The following IRAK2 variants were observed in gnomAD, a reference collection of about 807,000 sequenced individuals.
IRAK2 encodes interleukin 1 receptor associated kinase 2.
IRAK2 carries 57 observed loss-of-function variants against 72.0 expected under a neutral mutation model. That is an observed-to-expected ratio of 0.79 (90% confidence interval 0.64 to 0.99). The LOEUF (loss-of-function observed/expected upper bound fraction) is 0.99. Ranked by LOEUF, IRAK2 falls within the 50% of genes least tolerant of loss-of-function variation. The pLI, the probability that IRAK2 is intolerant of heterozygous loss-of-function variation, is 0.00. For missense variants in IRAK2, 790 were observed against 794.4 expected, an observed-to-expected ratio of 0.99 and a Z score of 0.07; for synonymous variants, 293 against 312.7, an observed-to-expected ratio of 0.94 and a Z score of 0.67.
At chr3:10,211,064 T>C (rs564189014) in intron 4 of IRAK2, among the ~76,000 whole-genome samples, 1 of 152,128 alleles carries the variant, frequency 6.6e-6, no homozygotes, top group African/African-American at 2.4e-5. Flanking sequence ...GGTTTCGCCA[T>C]GTTGGCCAGG....
chr3:10,207,354 G>T (rs1296920795), intron 3 of IRAK2, among the ~76,000 whole-genome samples: 2 of 152,116 alleles, frequency 1.3e-5, no homozygotes, highest in African/African-American at 4.8e-5. Context: ...CAGTAATCTT[G>T]GGGTCAAGTC....
intron 2 of IRAK2, among the ~76,000 whole-genome samples, chr3:10,195,587 A>G (rs1163315112): frequency 6.6e-6 from 1 of 151,800 alleles, no homozygotes; most frequent in Admixed American, 6.6e-5. Flanking sequence ...AAGTTAAGTA[A>G]GGCTGTAAGT....
intron 7 of IRAK2, among the ~76,000 whole-genome samples, chr3:10,218,142 G>GCCTCATCACCCA (rs774559913): frequency 1.1e-4 from 16 of 152,314 alleles, no homozygotes; most frequent in Admixed American, 3.9e-4. Flanking sequence ...TAGGTGATGA[G>GCCTCATCACCCA]GCTGGGCACA....
In IRAK2 at chr3:10,216,931, C is replaced by T. The variant is rs11465902; in HGVS notation, c.789-3C>T. The T allele has an allele frequency of 1.9e-3, 3,139 of 1,612,302 alleles. 52 individuals are homozygous for T. In the African/African-American group the frequency reaches 0.037, roughly 19 times the overall value. On this transcript the variant is annotated splice_region_variant and splice_polypyrimidine_tract_variant and intron_variant, in intron 6 of 12. Coordinates refer to ENST00000256458, the MANE Select transcript of IRAK2 (RefSeq NM_001570.4). ...TCACACCTGCACTGACGCCCGATTCCAGATGCTGCCACCCCAATGTCTTAC... is the reference window on the plus strand; with the variant it reads ...TCACACCTGCACTGACGCCCGATTCTAGATGCTGCCACCCCAATGTCTTAC...
chr3:10,198,519 C>T (rs1188743978), intron 2 of IRAK2, among the ~76,000 whole-genome samples: 1 of 152,208 alleles, frequency 6.6e-6, no homozygotes, highest in Non-Finnish European at 1.5e-5. Flanking sequence ...CTGTTGTTGG[C>T]TGTTTTACTT....
At chr3:10,171,182 G>A (rs553552582) in intron 1 of IRAK2, among the ~76,000 whole-genome samples, 1 of 152,346 alleles carries the variant, frequency 6.6e-6, no homozygotes, top group East Asian at 1.9e-4. Flanking sequence ...CCCCAGGTGT[G>A]TGCAGAGGGG....
In IRAK2 at chr3:10,220,441, A is replaced by C. The variant is rs189256346; in HGVS notation, c.1013+652A>C. Among the ~76,000 whole-genome samples the C allele has an allele frequency of 1.7e-3, 252 of 151,158 alleles. 5 individuals are homozygous for C. The South Asian group carries it at 0.042, about 25-fold the overall frequency. On this transcript the variant is annotated intron_variant, in intron 8 of 12. Transcript: ENST00000256458. ...AGTCCTTTCCTCTTTTCTCTCCCCC[A>C]ATTTTTTTTTTGTTTTTTGAGACGG...
intron 2 of IRAK2, among the ~76,000 whole-genome samples, chr3:10,180,378 C>G (rs1696942142): frequency 3.3e-5 from 5 of 152,170 alleles, no homozygotes; most frequent in Admixed American, 2.6e-4. Flanking sequence ...CATAGGAAAA[C>G]TAGTACAGAA....
intron 7 of IRAK2, among the ~76,000 whole-genome samples, chr3:10,218,443 A>AAC (rs1553625468): frequency 0.28 from 35,994 of 128,752 alleles, 5,716 homozygotes; most frequent in Non-Finnish European, 0.34. Context: ...AAAAAAAAAA[A>AAC]AACCAAAACG....
chr3:10,223,424 C>G (rs1277426367), intron 9 of IRAK2, among the ~76,000 whole-genome samples: 6 of 152,190 alleles, frequency 3.9e-5, no homozygotes, highest in Admixed American at 3.9e-4. Context: ...AGTCCCTCCC[C>G]TCAGGAGCTC....
intron 2 of IRAK2, among the ~76,000 whole-genome samples, chr3:10,191,442 T>G (rs867249766): frequency 1.3e-5 from 2 of 152,232 alleles, no homozygotes; most frequent in African/African-American, 4.8e-5. Context: ...TACAGTAAGG[T>G]TCTGCCTAAC....
intron 1 of IRAK2, among the ~76,000 whole-genome samples, chr3:10,175,906 A>AG (rs1696866373): frequency 6.6e-6 from 1 of 150,656 alleles, no homozygotes; most frequent in African/African-American, 2.4e-5. Context: ...AAAAAAAAAA[A>AG]AAAAAAAGAA....
At chr3:10,221,941 T>TACCAA (rs2125159790) in intron 8 of IRAK2, among the ~76,000 whole-genome samples, 1 of 151,960 alleles carries the variant, frequency 6.6e-6, no homozygotes, top group Admixed American at 6.6e-5. Flanking sequence ...TGAGACAGTG[T>TACCAA]ACCACTCTGT....
At chr3:10,167,247 T>C in intron 1 of IRAK2, among the ~76,000 whole-genome samples, 1 of 152,144 alleles carries the variant, frequency 6.6e-6, no homozygotes. Flanking sequence ...AAGAAGAAAC[T>C]CTGTACCCGT....
intron 9 of IRAK2, among the ~76,000 whole-genome samples, chr3:10,225,965 C>G (rs1179382363): frequency 6.6e-6 from 1 of 152,130 alleles, no homozygotes; most frequent in African/African-American, 2.4e-5. Flanking sequence ...TCCCAAAGTG[C>G]TGGGATTACA....
At chr3:10,242,000 G>T in intron 12 of IRAK2, 116 bp from the exon 13 acceptor site, 37 of 426,060 alleles carry the variant, frequency 8.7e-5, no homozygotes, top group East Asian at 2.0e-4. Flanking sequence ...AAAAAAAAAA[G>T]AAATGCTCAT....
chr3:10,176,463 G>A (rs1425063026), intron 1 of IRAK2, among the ~76,000 whole-genome samples: 1 of 145,414 alleles, frequency 6.9e-6, no homozygotes, highest in Non-Finnish European at 1.5e-5. Context: ...ACCATGCCTG[G>A]CTACTTTGTT....
intron 2 of IRAK2, among the ~76,000 whole-genome samples, chr3:10,199,233 T>C (rs1440539029): frequency 6.6e-6 from 1 of 152,100 alleles, no homozygotes; most frequent in Non-Finnish European, 1.5e-5. Context: ...AGAAGCTGGC[T>C]GGAAGCTGAG....
At chr3:10,225,083 G>A (rs1242181441) in intron 9 of IRAK2, among the ~76,000 whole-genome samples, 2 of 152,076 alleles carry the variant, frequency 1.3e-5, no homozygotes, top group African/African-American at 4.8e-5. Context: ...ACTTGCAGCA[G>A]TGATGCCCTC....
Sources: gnomAD v4.1 joint callset for allele counts (sites outside exome capture counted in the v4.1 genomes callset) on GRCh38, gnomAD v4.1.1 for gene constraint, MANE v1.5 for transcripts, NCBI Gene and HGNC (gene_info 2026-07-23, HGNC 2026-07-21) for gene names.